The following BLTP3B variants were observed in gnomAD, a reference collection of about 807,000 sequenced individuals.
The protein encoded by BLTP3B is bridge-like lipid transfer protein family member 3B.
chr12:100,053,553 A>T, the BLTP3B span, among the ~76,000 whole-genome samples: 1 of 152,226 alleles, frequency 6.6e-6, no homozygotes, highest in South Asian at 2.1e-4. Context: ...ACATACATTC[A>T]CAAATATGTA....
the BLTP3B span, among the ~76,000 whole-genome samples, chr12:100,081,225 G>A: frequency 5.3e-5 from 8 of 152,110 alleles, no homozygotes; most frequent in Admixed American, 3.9e-4. Flanking sequence ...TAATACAGAG[G>A]AGGAAAAAAA....
chr12:100,070,592 A>T, the BLTP3B span, among the ~76,000 whole-genome samples: 1 of 152,230 alleles, frequency 6.6e-6, no homozygotes, highest in Non-Finnish European at 1.5e-5. Context: ...GGAATAAAGC[A>T]ATAAAACAGA....
At chr12:100,082,122 T>G in the BLTP3B span, among the ~76,000 whole-genome samples, 1 of 152,128 alleles carries the variant, frequency 6.6e-6, no homozygotes, top group African/African-American at 2.4e-5. Flanking sequence ...TGAGATGGTA[T>G]TTCACTGTGG....
chr12:100,059,658 A>G, the BLTP3B span: 2,308 of 1,201,700 alleles, frequency 1.9e-3, 48 homozygotes, highest in East Asian at 0.042. Flanking sequence ...CTTTCCTATT[A>G]AGACGTAAAA....
At chr12:100,122,221 A>G in the BLTP3B span, among the ~76,000 whole-genome samples, 5 of 152,200 alleles carry the variant, frequency 3.3e-5, no homozygotes, top group Non-Finnish European at 5.9e-5. Flanking sequence ...TCTGCCATCC[A>G]ATGGAGATAT....
chr12:100,142,529 G>A, the BLTP3B span: 1 of 1,564,690 alleles, frequency 6.4e-7, no homozygotes, highest in South Asian at 1.1e-5. Flanking sequence ...CGAAGCCGCA[G>A]GCTGACTCCA....
the BLTP3B span, among the ~76,000 whole-genome samples, chr12:100,093,684 T>G: frequency 6.6e-6 from 1 of 152,196 alleles, no homozygotes; most frequent in Non-Finnish European, 1.5e-5. Flanking sequence ...GACATCTTAA[T>G]GCAACCATAT....
the BLTP3B span, among the ~76,000 whole-genome samples, chr12:100,066,878 G>A: frequency 6.6e-6 from 1 of 151,308 alleles, no homozygotes; most frequent in African/African-American, 2.4e-5. Context: ...AACAACTGCA[G>A]AATATACATT....
chr12:100,139,186 T>A, the BLTP3B span, among the ~76,000 whole-genome samples: 1 of 152,202 alleles, frequency 6.6e-6, no homozygotes, highest in Non-Finnish European at 1.5e-5. Context: ...GGAGAGATGT[T>A]TGGAATACAA....
the BLTP3B span, chr12:100,059,903 T>G: frequency 6.2e-7 from 1 of 1,612,648 alleles, no homozygotes; most frequent in Non-Finnish European, 8.5e-7. Flanking sequence ...GATTTTGAAT[T>G]GTCATTCAAC....
At chr12:100,104,051 C>A in the BLTP3B span, 5 of 730,896 alleles carry the variant, frequency 6.8e-6, no homozygotes, top group Non-Finnish European at 8.4e-6. Flanking sequence ...ACAGACACAC[C>A]AAATTATATA....
At chr12:100,083,369 T>G in the BLTP3B span, among the ~76,000 whole-genome samples, 20 of 152,008 alleles carry the variant, frequency 1.3e-4, no homozygotes, top group Non-Finnish European at 2.4e-4. Flanking sequence ...ACAAAAACTC[T>G]GGAATGGGAC....
chr12:100,118,069 T>C, the BLTP3B span, among the ~76,000 whole-genome samples: 1 of 152,038 alleles, frequency 6.6e-6, no homozygotes, highest in Non-Finnish European at 1.5e-5. Context: ...GCATTTCTCT[T>C]GGTCCCAGAA....
the BLTP3B span, among the ~76,000 whole-genome samples, chr12:100,139,570 GA>G: frequency 5.9e-3 from 899 of 152,136 alleles, 9 homozygotes; most frequent in African/African-American, 0.02. Flanking sequence ...TTTATTTAAT[GA>G]TTCAATTACT....
chr12:100,142,565 G>T, the BLTP3B span: 1 of 1,604,816 alleles, frequency 6.2e-7, no homozygotes, highest in African/African-American at 1.4e-5. Context: ...GAGGCCGACT[G>T]GCGCCGACAC....
At chr12:100,068,688 C>A in the BLTP3B span, among the ~76,000 whole-genome samples, 4 of 152,184 alleles carry the variant, frequency 2.6e-5, no homozygotes, top group South Asian at 2.1e-4. Context: ...ATGGCTGAGA[C>A]AATGAGTAGA....
chr12:100,124,936 T>TTTTA, the BLTP3B span, among the ~76,000 whole-genome samples: 2 of 56,544 alleles, frequency 3.5e-5, no homozygotes, highest in Non-Finnish European at 3.3e-5. Flanking sequence ...AAAAAAAATT[T>TTTTA]TATATATATA....
the BLTP3B span, among the ~76,000 whole-genome samples, chr12:100,112,096 T>G: frequency 1.3e-5 from 2 of 152,180 alleles, no homozygotes; most frequent in African/African-American, 4.8e-5. Flanking sequence ...ATAACGAGCA[T>G]GTACCACTTT....
At chr12:100,052,788 C>CT in the BLTP3B span, among the ~76,000 whole-genome samples, 2 of 114,908 alleles carry the variant, frequency 1.7e-5, no homozygotes, top group African/African-American at 3.9e-5. Context: ...TTTTTCTTTT[C>CT]TGTTTTTTTT....
Sources: gnomAD v4.1 joint callset for allele counts (sites outside exome capture counted in the v4.1 genomes callset) on GRCh38, gnomAD v4.1.1 for gene constraint, MANE v1.5 for transcripts, NCBI Gene and HGNC (gene_info 2026-07-23, HGNC 2026-07-21) for gene names.